The following SLC24A2 variants were observed in gnomAD, a reference collection of about 807,000 sequenced individuals.
SLC24A2 encodes sodium/potassium/calcium exchanger 2.
SLC24A2 carries 36 observed loss-of-function variants against 62.0 expected under a neutral mutation model. The ratio of observed to expected loss-of-function variants is 0.58; its 90% CI spans 0.44 to 0.77. The LOEUF is 0.77. SLC24A2 is among the 30% of genes least tolerant of loss of function. The pLI is 0.00. For missense variants in SLC24A2, 846 were observed against 817.9 expected, an observed-to-expected ratio of 1.03 and a Z score of -0.42; for synonymous variants, 358 against 294.0, an observed-to-expected ratio of 1.22 and a Z score of -2.23.
intron 8 of SLC24A2, among the ~76,000 whole-genome samples, chr9:19,534,917 C>G (rs1241389949): frequency 6.6e-6 from 1 of 152,124 alleles, no homozygotes; most frequent in African/African-American, 2.4e-5. Flanking sequence ...AATTCTAGAT[C>G]CTTGAGGAAT....
intron 7 of SLC24A2, among the ~76,000 whole-genome samples, chr9:19,567,128 AAG>A (rs1835686288): frequency 6.6e-6 from 1 of 150,950 alleles, no homozygotes; most frequent in South Asian, 2.1e-4. Context: ...ATATATATAA[AAG>A]AACTTAAAGT....
chr9:20,019,101 GAT>G, the SLC24A2 span, among the ~76,000 whole-genome samples: 61 of 32,142 alleles, frequency 1.9e-3, 1 homozygote, highest in African/African-American at 8.6e-3. Flanking sequence ...AAGAAAGAAA[GAT>G]AGAAAGAAAG....
intron 2 of SLC24A2, among the ~76,000 whole-genome samples, chr9:19,651,939 C>A (rs1162481768): frequency 2.0e-5 from 3 of 152,150 alleles, no homozygotes; most frequent in Non-Finnish European, 4.4e-5. Flanking sequence ...TCCTCCCCTG[C>A]AAATCTTGGT....
chr9:20,258,549 G>T, the SLC24A2 span, among the ~76,000 whole-genome samples: 1 of 152,158 alleles, frequency 6.6e-6, no homozygotes, highest in Non-Finnish European at 1.5e-5. Flanking sequence ...CTCTTCTCCT[G>T]TCCTCAGACG....
the SLC24A2 span, among the ~76,000 whole-genome samples, chr9:19,814,128 G>A: frequency 6.6e-6 from 1 of 152,164 alleles, no homozygotes; most frequent in Non-Finnish European, 1.5e-5. Context: ...TTGGTCTGCT[G>A]TAAGTTATTC....
chr9:20,045,486 C>T, the SLC24A2 span, among the ~76,000 whole-genome samples: 3 of 152,004 alleles, frequency 2.0e-5, no homozygotes, highest in Admixed American at 6.5e-5. Flanking sequence ...GGCTGGAGTG[C>T]GGTGGCACAA....
chr9:19,755,892 G>C (rs567355997), intron 2 of SLC24A2, among the ~76,000 whole-genome samples: 1 of 148,658 alleles, frequency 6.7e-6, no homozygotes, highest in African/African-American at 2.5e-5. Context: ...TGGTTTTAGC[G>C]ATGTAGCTCT....
chr9:19,997,639 G>A, the SLC24A2 span, among the ~76,000 whole-genome samples: 1 of 152,254 alleles, frequency 6.6e-6, no homozygotes, highest in Non-Finnish European at 1.5e-5. Flanking sequence ...TTTACTGAGT[G>A]GTTAGAAATG....
chr9:20,039,449 A>T, the SLC24A2 span, among the ~76,000 whole-genome samples: 1 of 152,234 alleles, frequency 6.6e-6, no homozygotes, highest in South Asian at 2.1e-4. Flanking sequence ...GTGCAAGAAC[A>T]ATGGTGGACA....
chr9:19,614,503 T>C (rs1449883466), intron 4 of SLC24A2, among the ~76,000 whole-genome samples: 3 of 152,218 alleles, frequency 2.0e-5, no homozygotes, highest in African/African-American at 4.8e-5. Context: ...TGAAACAGAC[T>C]GGATCACATC....
the SLC24A2 span, among the ~76,000 whole-genome samples, chr9:20,007,854 C>G: frequency 2.2e-5 from 2 of 92,680 alleles, no homozygotes; most frequent in East Asian, 6.4e-4. Flanking sequence ...AAGTGGGCTT[C>G]TCTTTTAATT....
the SLC24A2 span, among the ~76,000 whole-genome samples, chr9:20,216,764 T>C: frequency 6.6e-6 from 1 of 152,208 alleles, no homozygotes; most frequent in Non-Finnish European, 1.5e-5. Flanking sequence ...AAGCATTACA[T>C]GTCTCATTTG....
Position 19,650,822 on chromosome 9 carries a change from A to AGTGTGTGTGTGTGTGT in SLC24A2, c.931-28539_931-28524dup, listed in dbSNP as rs61576823. Among the ~76,000 whole-genome samples the AGTGTGTGTGTGTGTGT allele has an allele frequency of 9.0e-3, 1,344 of 149,154 alleles. 12 individuals are homozygous for AGTGTGTGTGTGTGTGT. The highest frequency in any genetic ancestry group is 0.031 in the African/African-American group (1,249 of 40,436). On this transcript the variant is annotated intron_variant, in intron 2 of 10. Coordinates refer to ENST00000341998, the MANE Select transcript of SLC24A2 (RefSeq NM_020344.4). ...ACAGGCATTGTAAACATCAGCTTCT[A>AGTGTGTGTGTGTGTGT]GTGTGTGTGTGTGTGTGTGTGTGTG...
In SLC24A2 at chr9:19,632,127, C is replaced by T. The variant is rs1437774554; in HGVS notation, c.931-9828G>A. On this transcript the variant is annotated intron_variant, in intron 2 of 10. Transcript: ENST00000341998. The surrounding 1 kb of genome is among the most constrained non-coding windows in gnomAD (Gnocchi z 4.5). ...TGAGGACAGTTACCTTCTCAATTGT[C>T]CCTGGGGCTGATGCAGTTTAGGGTA... 2.6e-5 allele frequency among the ~76,000 whole-genome samples: 4 copies of T among 152,162 alleles called. No individual in the cohort carries two copies. The highest frequency in any genetic ancestry group is 5.9e-5 in the Non-Finnish European group (4 of 68,020).
intron 4 of SLC24A2, among the ~76,000 whole-genome samples, chr9:19,602,683 G>T (rs1347014981): frequency 6.6e-6 from 1 of 152,118 alleles, no homozygotes; most frequent in Non-Finnish European, 1.5e-5. Context: ...GTGTGTTCTG[G>T]GGTCCAACAA....
chr9:20,121,542 A>T, the SLC24A2 span, among the ~76,000 whole-genome samples: 1 of 152,182 alleles, frequency 6.6e-6, no homozygotes, highest in African/African-American at 2.4e-5. Context: ...TACTATATGC[A>T]AAGCTGTAGT....
the SLC24A2 span, among the ~76,000 whole-genome samples, chr9:20,154,508 T>C: frequency 1.3e-5 from 2 of 151,728 alleles, no homozygotes; most frequent in East Asian, 3.9e-4. Context: ...GTTTTGGAAT[T>C]ACAATAATTA....
chr9:20,086,026 T>G, the SLC24A2 span, among the ~76,000 whole-genome samples: 1 of 152,196 alleles, frequency 6.6e-6, no homozygotes, highest in Non-Finnish European at 1.5e-5. Flanking sequence ...AATTGCACAC[T>G]GCTTATCTCC....
chr9:19,608,789 C>T (rs943503867), intron 4 of SLC24A2, among the ~76,000 whole-genome samples: 5 of 150,176 alleles, frequency 3.3e-5, no homozygotes, highest in African/African-American at 1.3e-4. Flanking sequence ...CACACACACA[C>T]ACATACACAC....
Sources: gnomAD v4.1 joint callset for allele counts (sites outside exome capture counted in the v4.1 genomes callset) on GRCh38, gnomAD v4.1.1 for gene constraint, Gnocchi (gnomAD v3.1) non-coding constraint, MANE v1.5 for transcripts, NCBI Gene and HGNC (gene_info 2026-07-23, HGNC 2026-07-21) for gene names.